HYDIN: variants seen among roughly 807,000 people sequenced by gnomAD.
HYDIN encodes axonemal central pair apparatus protein HYDIN.
HYDIN carries 132 observed loss-of-function variants against 403.9 expected under a neutral mutation model. That is an observed-to-expected ratio of 0.33 (90% confidence interval 0.28 to 0.38). The LOEUF (loss-of-function observed/expected upper bound fraction) is 0.38. HYDIN is among the 10% of genes least tolerant of loss of function. HYDIN has a pLI of 1.00. For missense variants in HYDIN, 2,827 were observed against 5,009.5 expected, an observed-to-expected ratio of 0.56 and a Z score of 13.15; for synonymous variants, 1,202 against 1,891.7, an observed-to-expected ratio of 0.64 and a Z score of 9.46.
At chr16:71,183,689 A>T (rs1279629383) in intron 3 of HYDIN, among the ~76,000 whole-genome samples, 1 of 152,160 alleles carries the variant, frequency 6.6e-6, no homozygotes, top group Non-Finnish European at 1.5e-5. Context: ...GGCAAGACAC[A>T]AATATTATCA....
intron 45 of HYDIN, among the ~76,000 whole-genome samples, chr16:70,927,594 G>A (rs994652500): frequency 1.2e-4 from 19 of 152,114 alleles, no homozygotes; most frequent in Admixed American, 3.3e-4. Flanking sequence ...CTGGGCAGGA[G>A]CAGTCACAGA....
At chr16:70,967,627 G>A (rs559002842) in intron 36 of HYDIN, among the ~76,000 whole-genome samples, 10 of 152,166 alleles carry the variant, frequency 6.6e-5, no homozygotes, top group African/African-American at 2.2e-4. Flanking sequence ...GACTACAGGC[G>A]CCTTCCACCA....
At chr16:70,925,248 G>A (rs2077113653) in intron 45 of HYDIN, among the ~76,000 whole-genome samples, 1 of 152,212 alleles carries the variant, frequency 6.6e-6, no homozygotes, top group Admixed American at 6.5e-5. Flanking sequence ...AGTTTGGGAG[G>A]CTGAGATGGG....
Position 71,128,351 on chromosome 16 carries a change from C to T in HYDIN, c.1227+1289G>A, listed in dbSNP as rs370606189. On this transcript the variant is annotated intron_variant, in intron 9 of 85. Coordinates refer to ENST00000393567, the MANE Select transcript of HYDIN (RefSeq NM_001270974.2). Reference sequence around the variant, plus strand: ...ACCTTTCAAACAATATTGACTCTCACGTTTCTCAAACGTACTTAGCCATGG... The same window carrying T: ...ACCTTTCAAACAATATTGACTCTCATGTTTCTCAAACGTACTTAGCCATGG... Among the ~76,000 whole-genome samples, 279 of 149,710 alleles carry T rather than the reference C, an allele frequency of 1.9e-3. 4 individuals are homozygous for T. The highest frequency in any genetic ancestry group is 6.3e-3 in the African/African-American group (258 of 40,726).
At chr16:71,176,687 C>A (rs1225833184) in intron 4 of HYDIN, among the ~76,000 whole-genome samples, 2 of 152,206 alleles carry the variant, frequency 1.3e-5, no homozygotes, top group Admixed American at 1.3e-4. Flanking sequence ...CTCAGAGCAG[C>A]TCCCAACAGC....
At chr16:70,828,681 G>A in intron 81 of HYDIN, among the ~76,000 whole-genome samples, 1 of 152,064 alleles carries the variant, frequency 6.6e-6, no homozygotes. Flanking sequence ...ATATATATAA[G>A]AACCATTTAT....
chr16:71,152,992 G>A (rs1027437735), intron 6 of HYDIN: 2 of 463,066 alleles, frequency 4.3e-6, no homozygotes, highest in Non-Finnish European at 8.0e-6. Flanking sequence ...CAAGCGTAAG[G>A]GCAACTTAAA....
chr16:70,872,188 T>C lies in HYDIN; in HGVS notation c.10949-9A>G. ...GTGGTCCACCAGAGCAGCTAGGGATTAGAAGCAGAAGGCTGTGAGTCCTCC... is the reference window on the plus strand; with the variant it reads ...GTGGTCCACCAGAGCAGCTAGGGATCAGAAGCAGAAGGCTGTGAGTCCTCC... On this transcript the variant is annotated splice_polypyrimidine_tract_variant and intron_variant, in intron 64 of 85. Coordinates refer to ENST00000393567, the MANE Select transcript of HYDIN (RefSeq NM_001270974.2). 3.7e-6 allele frequency: 5 copies of C among 1,356,622 alleles called. No homozygotes were observed. Among genetic ancestry groups the C allele is most frequent in the Non-Finnish European group, 5.0e-6 (5 of 996,114 alleles). 84.0% of individuals were successfully genotyped at this position (1,356,622 alleles called of 1,614,324 possible). A position where few individuals can be genotyped will look rare whatever the true frequency, so the allele number is the denominator to read the frequency against.
rs987952955 is a variant in HYDIN, at chr16:71,168,758, C to T, written c.517-6028G>A. Among the ~76,000 whole-genome samples, 7 of 152,188 alleles carry T rather than the reference C, an allele frequency of 4.6e-5. No individual in the cohort carries two copies. In the South Asian group the frequency reaches 6.2e-4, roughly 14 times the overall value. ...ACAGGTCACCTCCTGCTGTTGTCAG[C>T]TCTCTTCAACCAGGTGCCTTGGAGT... On this transcript the variant is annotated intron_variant, in intron 5 of 85. Transcript: ENST00000393567.
chr16:71,188,465 A>G (rs906465627), intron 1 of HYDIN, among the ~76,000 whole-genome samples: 2 of 152,260 alleles, frequency 1.3e-5, no homozygotes, highest in African/African-American at 4.8e-5. Flanking sequence ...GCAATAAAAA[A>G]GCAAAGATTG....
At chr16:71,051,560 G>A (rs370386729) in intron 18 of HYDIN, among the ~76,000 whole-genome samples, 1 of 151,350 alleles carries the variant, frequency 6.6e-6, no homozygotes, top group Admixed American at 6.6e-5. Flanking sequence ...GCAGGAGAAT[G>A]GCATGAACCC....
At chr16:70,939,184 A>G (rs1422524721) in intron 43 of HYDIN, among the ~76,000 whole-genome samples, 2 of 152,216 alleles carry the variant, frequency 1.3e-5, no homozygotes, top group Admixed American at 6.5e-5. Context: ...GGAAGGGGCC[A>G]GGAGCCAAGG....
chr16:70,931,791 G>A (rs888281699), intron 45 of HYDIN, among the ~76,000 whole-genome samples: 2 of 152,040 alleles, frequency 1.3e-5, no homozygotes, highest in African/African-American at 4.8e-5. Flanking sequence ...AAGGTGGATG[G>A]ATCACTTGAG....
intron 8 of HYDIN, among the ~76,000 whole-genome samples, chr16:71,130,849 T>C (rs1267918753): frequency 3.3e-5 from 5 of 151,872 alleles, no homozygotes; most frequent in African/African-American, 9.7e-5. Flanking sequence ...GCTTACAAAA[T>C]GCTCAAGCTA....
At chr16:71,210,521 G>A (rs932059536) in intron 1 of HYDIN, among the ~76,000 whole-genome samples, 4 of 152,038 alleles carry the variant, frequency 2.6e-5, no homozygotes, top group African/African-American at 9.6e-5. Flanking sequence ...AGGGTGGGAG[G>A]AGTGAGAGGT....
chr16:71,126,222 A>G (rs1045723823), intron 9 of HYDIN, among the ~76,000 whole-genome samples: 5 of 152,262 alleles, frequency 3.3e-5, no homozygotes, highest in Admixed American at 2.0e-4. Flanking sequence ...CTCCTTCCCT[A>G]ATGGTCTGTT....
chr16:70,964,426 T>C (rs1483380761), intron 37 of HYDIN, among the ~76,000 whole-genome samples: 1 of 151,666 alleles, frequency 6.6e-6, no homozygotes, highest in Non-Finnish European at 1.5e-5. Flanking sequence ...CAGTTTCTCA[T>C]CTGTACGTCC....
intron 18 of HYDIN, among the ~76,000 whole-genome samples, chr16:71,054,730 G>T: frequency 6.6e-6 from 1 of 150,586 alleles, no homozygotes; most frequent in East Asian, 1.9e-4. Flanking sequence ...ATTTCTTTCT[G>T]TTTGTCTATT....
intron 28 of HYDIN, among the ~76,000 whole-genome samples, chr16:70,982,684 AT>A (rs1354064371): frequency 2.0e-5 from 3 of 149,214 alleles, no homozygotes; most frequent in South Asian, 2.1e-4. Flanking sequence ...ATATTAGTAC[AT>A]CTAGAGCTGC....
Sources: allele counts gnomAD v4.1 joint callset (sites outside exome capture counted in the v4.1 genomes callset), GRCh38; gene constraint gnomAD v4.1.1; transcripts MANE v1.5; gene names NCBI Gene and HGNC (gene_info 2026-07-23, HGNC 2026-07-21).